The following ATXN7L1 variants were observed in gnomAD, a reference collection of about 807,000 sequenced individuals.
The protein encoded by ATXN7L1 is ataxin-7-like protein 1.
A neutral mutation model predicts 70.8 loss-of-function variants in ATXN7L1; 15 were observed. The observed-to-expected ratio is 0.21, with a 90% CI of 0.14 to 0.33. The LOEUF is 0.33. Among genes scored for constraint, ATXN7L1 ranks in the 10% least tolerant of loss-of-function variants. The pLI is 1.00. For missense variants in ATXN7L1, 975 were observed against 1,097.1 expected (o/e 0.89, Z 1.57); for synonymous variants, 440 against 445.1 (o/e 0.99, Z 0.14).
At chr7:105,663,375 C>T (rs1407353284) in intron 4 of ATXN7L1, among the ~76,000 whole-genome samples, 1 of 152,236 alleles carries the variant, frequency 6.6e-6, no homozygotes, top group South Asian at 2.1e-4. Flanking sequence ...TGTAATTGAT[C>T]TGACATAATT....
chr7:105,762,334 A>AGAT (rs1233038036), intron 3 of ATXN7L1, among the ~76,000 whole-genome samples: 2 of 152,118 alleles, frequency 1.3e-5, no homozygotes, highest in African/African-American at 4.8e-5. Context: ...ACCTAGAAGG[A>AGAT]GATGCACAGT....
chr7:105,709,024 A>G (rs568156040), intron 3 of ATXN7L1, among the ~76,000 whole-genome samples: 2 of 152,328 alleles, frequency 1.3e-5, no homozygotes, highest in South Asian at 4.1e-4. Flanking sequence ...TATTTTAATC[A>G]TGCCTTTTAA....
chr7:105,804,990 C>T (rs773478138), intron 2 of ATXN7L1, among the ~76,000 whole-genome samples: 1 of 152,174 alleles, frequency 6.6e-6, no homozygotes, highest in African/African-American at 2.4e-5. Context: ...AATAAACACC[C>T]GTGGCGTAGC....
intron 9 of ATXN7L1, among the ~76,000 whole-genome samples, chr7:105,619,837 G>A (rs1037101345): frequency 6.6e-6 from 1 of 151,918 alleles, no homozygotes; most frequent in Non-Finnish European, 1.5e-5. Flanking sequence ...GATTACAGGC[G>A]TGAATCACTG....
chr7:105,741,777 T>C (rs1266892830), intron 3 of ATXN7L1, among the ~76,000 whole-genome samples: 1 of 152,206 alleles, frequency 6.6e-6, no homozygotes, highest in East Asian at 1.9e-4. Context: ...AATCTGACTG[T>C]GTCATTACAG....
At chr7:105,752,358 G>A (rs1367019750) in intron 3 of ATXN7L1, among the ~76,000 whole-genome samples, 2 of 152,202 alleles carry the variant, frequency 1.3e-5, no homozygotes, top group Non-Finnish European at 1.5e-5. Context: ...TGGCAAATGA[G>A]TGACAACGTA....
At chr7:105,637,157 C>T (rs947090765) in intron 7 of ATXN7L1, among the ~76,000 whole-genome samples, 1 of 152,164 alleles carries the variant, frequency 6.6e-6, no homozygotes. Flanking sequence ...CATCTGACCG[C>T]GTCCTCCTGA....
At chr7:105,800,211 A>T (rs1403784788) in intron 2 of ATXN7L1, among the ~76,000 whole-genome samples, 1 of 152,182 alleles carries the variant, frequency 6.6e-6, no homozygotes, top group South Asian at 2.1e-4. Flanking sequence ...TGGGCCAAAG[A>T]AAAAAGGGAC....
At chr7:105,855,959 A>G (rs1018186478) in intron 2 of ATXN7L1, among the ~76,000 whole-genome samples, 2 of 152,242 alleles carry the variant, frequency 1.3e-5, no homozygotes, top group African/African-American at 4.8e-5. Flanking sequence ...TCTCAGAACC[A>G]ATCCTTCGAT....
intron 7 of ATXN7L1, among the ~76,000 whole-genome samples, chr7:105,633,860 C>T (rs1234957726): frequency 6.6e-6 from 1 of 152,128 alleles, no homozygotes; most frequent in Non-Finnish European, 1.5e-5. Context: ...AGTGTGGAAG[C>T]TGTGCTCTAG....
intron 2 of ATXN7L1, among the ~76,000 whole-genome samples, chr7:105,802,730 C>T (rs933429997): frequency 6.6e-6 from 1 of 152,230 alleles, no homozygotes; most frequent in African/African-American, 2.4e-5. Flanking sequence ...TCCAGAGGAA[C>T]TGCAGCTCCA....
chr7:105,633,989 C>G (rs368075638), intron 7 of ATXN7L1, among the ~76,000 whole-genome samples: 1 of 152,288 alleles, frequency 6.6e-6, no homozygotes, highest in East Asian at 1.9e-4. Context: ...GCTCATTTCC[C>G]TCAGGGTGCA....
intron 4 of ATXN7L1, among the ~76,000 whole-genome samples, chr7:105,655,440 G>T (rs575575309): frequency 9.8e-5 from 15 of 152,316 alleles, no homozygotes; most frequent in African/African-American, 2.6e-4. Context: ...ACTCTGGGGG[G>T]GTGTGTGGGG....
intron 2 of ATXN7L1, among the ~76,000 whole-genome samples, chr7:105,846,142 T>C (rs1373921806): frequency 6.6e-6 from 1 of 152,166 alleles, no homozygotes; most frequent in Non-Finnish European, 1.5e-5. Context: ...TTGCAAATTA[T>C]ATCTGATAAG....
At chr7:105,736,178 G>C (rs1243931793) in intron 3 of ATXN7L1, among the ~76,000 whole-genome samples, 1 of 152,160 alleles carries the variant, frequency 6.6e-6, no homozygotes, top group Non-Finnish European at 1.5e-5. Context: ...TTCAGTCACC[G>C]AGTGGCAACA....
chr7:105,668,120 G>A lies in ATXN7L1; in HGVS notation c.356-2832C>T, dbSNP rs145226476. ...GCAAGTAAACAAAGATAAATCACAAGGAAGTGTGCCATGAAGGACAAAATA... is the reference window on the plus strand; with the variant it reads ...GCAAGTAAACAAAGATAAATCACAAAGAAGTGTGCCATGAAGGACAAAATA... On this transcript the variant is annotated intron_variant, in intron 3 of 11. Coordinates refer to ENST00000419735, the MANE Select transcript of ATXN7L1 (RefSeq NM_020725.2). Among the ~76,000 whole-genome samples the A allele has an allele frequency of 2.6e-4, 39 of 152,292 alleles. No homozygotes were observed. The East Asian group carries it at 7.5e-3, about 29-fold the overall frequency.
chr7:105,632,824 G>A (rs940260557), intron 7 of ATXN7L1, among the ~76,000 whole-genome samples: 11 of 151,262 alleles, frequency 7.3e-5, no homozygotes, highest in Admixed American at 7.3e-4. Flanking sequence ...GGGAGACTGA[G>A]GTGGGAGGAT....
At chr7:105,874,650 T>A (rs10250059) in intron 2 of ATXN7L1, among the ~76,000 whole-genome samples, 4,008 of 152,348 alleles carry the variant, frequency 0.026, 194 homozygotes, top group African/African-American at 0.09. Flanking sequence ...TGTACGCATT[T>A]TAACCTTCAT....
chr7:105,620,680 A>G (rs973464700), intron 8 of ATXN7L1, among the ~76,000 whole-genome samples: 1 of 152,106 alleles, frequency 6.6e-6, no homozygotes, highest in Admixed American at 6.5e-5. Context: ...GGATCACTTG[A>G]GGTCAGGAGT....
Sources: allele counts gnomAD v4.1 joint callset (sites outside exome capture counted in the v4.1 genomes callset), GRCh38; gene constraint gnomAD v4.1.1; transcripts MANE v1.5; gene names NCBI Gene and HGNC (gene_info 2026-07-23, HGNC 2026-07-21).